Variants in SSH2 observed in about 807,000 individuals in gnomAD.
SSH2 encodes the protein protein phosphatase Slingshot homolog 2.
In SSH2, 37 loss-of-function variants were observed where a neutral mutation model predicts 135.2. The observed-to-expected ratio is 0.27, with a 90% CI of 0.21 to 0.36. The LOEUF (loss-of-function observed/expected upper bound fraction) is 0.36, where lower values mean the gene tolerates loss of function less well. SSH2 is among the 10% of genes least tolerant of loss of function. The pLI is 1.00. For missense variants in SSH2, 1,408 were observed against 1,765.3 expected (o/e 0.80, Z 3.63); for synonymous variants, 628 against 646.2 (o/e 0.97, Z 0.43).
chr17:29,912,258 C>A (rs755280739), intron 1 of SSH2, among the ~76,000 whole-genome samples: 1 of 152,160 alleles, frequency 6.6e-6, no homozygotes, highest in Non-Finnish European at 1.5e-5. Context: ...AATGGCAAAA[C>A]AGGAAGATAT....
chr17:29,858,256 T>A (rs1408454813), intron 1 of SSH2, among the ~76,000 whole-genome samples: 1 of 152,222 alleles, frequency 6.6e-6, no homozygotes, highest in Non-Finnish European at 1.5e-5. Flanking sequence ...TAATATGCTA[T>A]AACAAATTAC....
chr17:29,783,893 C>T (rs1302388731), intron 3 of SSH2, among the ~76,000 whole-genome samples: 2 of 148,880 alleles, frequency 1.3e-5, no homozygotes, highest in African/African-American at 2.5e-5. Flanking sequence ...GGTGAAACCC[C>T]GTCTCTACTA....
intron 3 of SSH2, among the ~76,000 whole-genome samples, chr17:29,705,110 T>C (rs192645620): frequency 2.6e-5 from 4 of 152,300 alleles, no homozygotes; most frequent in South Asian, 4.1e-4. Flanking sequence ...AAACACCTAA[T>C]AGTCATCCTT....
At chr17:29,901,284 A>T (rs1171867122) in intron 1 of SSH2, among the ~76,000 whole-genome samples, 2 of 152,144 alleles carry the variant, frequency 1.3e-5, no homozygotes, top group Non-Finnish European at 2.9e-5. Flanking sequence ...ATAATAATAA[A>T]AAAAAAACAA....
At chr17:29,659,367 TGTG>T (rs1487525279) in intron 11 of SSH2, among the ~76,000 whole-genome samples, 1 of 152,174 alleles carries the variant, frequency 6.6e-6, no homozygotes, top group Non-Finnish European at 1.5e-5. Context: ...TCCAATAAAC[TGTG>T]GTTAAGCTTT....
chr17:29,699,663 C>T (rs1161476054), intron 4 of SSH2, among the ~76,000 whole-genome samples: 1 of 152,166 alleles, frequency 6.6e-6, no homozygotes, highest in Non-Finnish European at 1.5e-5. Context: ...GCCACTGACC[C>T]CATTAACTAT....
chr17:29,864,873 CT>C (rs1408410617), intron 1 of SSH2, among the ~76,000 whole-genome samples: 3 of 152,188 alleles, frequency 2.0e-5, no homozygotes, highest in Non-Finnish European at 2.9e-5. Flanking sequence ...GGCCCCACCC[CT>C]GATCTACCAA....
chr17:29,633,420 T>C (rs1160689253), intron 15 of SSH2, among the ~76,000 whole-genome samples: 2 of 152,226 alleles, frequency 1.3e-5, no homozygotes, highest in Non-Finnish European at 2.9e-5. Flanking sequence ...TAGAGCAAGA[T>C]GGACGAGGCT....
intron 3 of SSH2, among the ~76,000 whole-genome samples, chr17:29,729,544 C>T (rs555852590): frequency 1.3e-5 from 2 of 152,162 alleles, no homozygotes; most frequent in Non-Finnish European, 2.9e-5. Flanking sequence ...TGGGCATATA[C>T]CCAAAGAAAG....
At position 29,703,439 on chromosome 17, in the gene SSH2, G is replaced by A. The variant is rs11868313; in HGVS notation, c.189-377C>T. Among the ~76,000 whole-genome samples the A allele has an allele frequency of 2.2e-3, 335 of 152,162 alleles. 1 individual carries two copies. Among genetic ancestry groups the A allele is most frequent in the African/African-American group, 8.0e-3 (330 of 41,498 alleles). The stretch of plus-strand genomic sequence containing the variant: ...TAATTTTTGAATATTAGTAGAGAGT[G>A]TTTCACTATGTAGGTCAAGATGGTC... On this transcript the variant is annotated intron_variant, in intron 3 of 15. Transcript: ENST00000540801.
chr17:29,845,640 G>A (rs1405993724), intron 2 of SSH2, among the ~76,000 whole-genome samples: 2 of 152,144 alleles, frequency 1.3e-5, no homozygotes, highest in Non-Finnish European at 2.9e-5. Context: ...TGACTCTGCT[G>A]TCCAGGCTGG....
Position 29,676,898 on chromosome 17 carries a change from G to T in SSH2, c.549-13C>A. 1 of 1,612,130 alleles carries T rather than the reference G, an allele frequency of 6.2e-7. No individual in the cohort carries two copies. Among genetic ancestry groups the T allele is most frequent in the South Asian group, 1.1e-5 (1 of 90,986 alleles). ...TACACTGAACCCACTAAGGACAAATGAGAACAAGACAAAAATCCACAAATT... is the reference window on the plus strand; with the variant it reads ...TACACTGAACCCACTAAGGACAAATTAGAACAAGACAAAAATCCACAAATT... On this transcript the variant is annotated splice_polypyrimidine_tract_variant and intron_variant, in intron 7 of 15. Coordinates refer to ENST00000540801, the MANE Select transcript of SSH2 (RefSeq NM_001282129.2).
At chr17:29,907,062 G>T (rs1174165464) in intron 1 of SSH2, among the ~76,000 whole-genome samples, 1 of 152,252 alleles carries the variant, frequency 6.6e-6, no homozygotes, top group Non-Finnish European at 1.5e-5. Flanking sequence ...ACATGCACAC[G>T]TATGTTGACT....
intron 1 of SSH2, among the ~76,000 whole-genome samples, chr17:29,910,134 C>T (rs2066738978): frequency 1.3e-5 from 2 of 151,978 alleles, no homozygotes; most frequent in East Asian, 1.9e-4. Context: ...TTTGTAGAGA[C>T]GAAGTCTTGC....
At position 29,631,545 on chromosome 17, in the gene SSH2, T is replaced by C. The variant is rs1428568833; in HGVS notation, c.3649A>G (p.Ser1217Gly). Residue 1217 changes from serine to glycine, a missense_variant, in exon 16 of 16, where the codon AGC becomes GGC. Transcript: ENST00000540801. ...QLSSADLSLISKLGDNTGELQ... is the reference protein window; with the variant it reads ...QLSSADLSLIGKLGDNTGELQ... Reference sequence around the variant, plus strand: ...TCCCCAGTGTTGTCACCAAGTTTGCTAATTAAACTTAGGTCTGCGCTACTT... The same window carrying C: ...TCCCCAGTGTTGTCACCAAGTTTGCCAATTAAACTTAGGTCTGCGCTACTT... 2 of 1,614,156 alleles carry C rather than the reference T, an allele frequency of 1.2e-6. No individual in the cohort carries two copies. Among genetic ancestry groups the C allele is most frequent in the South Asian group, 2.2e-5 (2 of 91,084 alleles).
intron 3 of SSH2, among the ~76,000 whole-genome samples, chr17:29,772,607 A>G (rs961670653): frequency 3.3e-5 from 5 of 152,106 alleles, no homozygotes; most frequent in African/African-American, 1.2e-4. Flanking sequence ...GAAGATTGGC[A>G]TGTGAGTTGG....
chr17:29,809,008 C>A (rs2042396421), intron 2 of SSH2, among the ~76,000 whole-genome samples: 1 of 152,192 alleles, frequency 6.6e-6, no homozygotes, highest in Non-Finnish European at 1.5e-5. Flanking sequence ...AATCCTGGGA[C>A]TTTGGGAGGC....
At position 29,631,924 on chromosome 17, in the gene SSH2, A is replaced by G; in HGVS notation, c.3270T>C (p.Thr1090=). 6.2e-7 allele frequency: 1 copy of G among 1,614,164 alleles called. No individual in the cohort carries two copies. Among genetic ancestry groups the G allele is most frequent in the Non-Finnish European group, 8.5e-7 (1 of 1,180,028 alleles). ...LCTLDENLNR[T]LDPNQVSLHP... ...GCAGAGAAACCTGGTTGGGGTCCAGAGTCCTGTTTAGATTTTCATCCAGTG... is the reference window on the plus strand; with the variant it reads ...GCAGAGAAACCTGGTTGGGGTCCAGGGTCCTGTTTAGATTTTCATCCAGTG... Residue 1090 remains threonine (T), a synonymous_variant, in exon 16 of 16, where the codon ACT becomes ACC. Transcript: ENST00000540801.
At chr17:29,914,948 G>T (rs1356880102) in intron 1 of SSH2, among the ~76,000 whole-genome samples, 2 of 152,062 alleles carry the variant, frequency 1.3e-5, no homozygotes, top group East Asian at 3.9e-4. Context: ...AGTTACAAAT[G>T]ATCTGTTTTA....
Sources: allele counts gnomAD v4.1 joint callset (sites outside exome capture counted in the v4.1 genomes callset), GRCh38; gene constraint gnomAD v4.1.1; transcripts MANE v1.5; gene names NCBI Gene and HGNC (gene_info 2026-07-23, HGNC 2026-07-21).